CDH5: variants seen among roughly 807,000 people sequenced by gnomAD.
The protein encoded by CDH5 is cadherin 5, also known as cadherin-5.
Under a neutral mutation model 62.0 loss-of-function variants are expected in CDH5, and 28 were observed. The ratio of observed to expected loss-of-function variants is 0.45; its 90% CI spans 0.33 to 0.62. The LOEUF is 0.62. Ranked by LOEUF, CDH5 falls within the 20% of genes least tolerant of loss-of-function variation. CDH5 has a pLI of 0.02. For synonymous variants in CDH5, 464 were observed against 445.8 expected (o/e 1.04, Z -0.52); for missense variants, 940 against 1,065.1 (o/e 0.88, Z 1.63).
At chr16:66,391,962 C>CTAA (rs1189030495) in intron 6 of CDH5, among the ~76,000 whole-genome samples, 174 bp from the exon 7 acceptor site, 1 of 152,188 alleles carries the variant, frequency 6.6e-6, no homozygotes, top group Non-Finnish European at 1.5e-5. Flanking sequence ...AGACAGACAC[C>CTAA]AGGCCCAGCC....
chr16:66,389,261 A>AG, intron 4 of CDH5, 97 bp from the exon 5 acceptor site: 1 of 1,195,024 alleles, frequency 8.4e-7, no homozygotes, highest in South Asian at 1.5e-5. Context: ...TGGAATCACC[A>AG]GGGAAGCTCT....
chr16:66,403,535 T>G lies in CDH5; in HGVS notation c.*366T>G. On this transcript the variant is annotated 3_prime_UTR_variant, in exon 12 of 12. Coordinates refer to ENST00000341529, the MANE Select transcript of CDH5 (RefSeq NM_001795.5). This position sits in a 1 kb window ranked among gnomAD's most constrained non-coding sequence, Gnocchi z 4.3. ...ACTGCTGCAGGGTCTTTTTCTAGGG[T>G]CCCTGAACGCCCTGGTAAGGCTGGT... 3.7e-6 allele frequency: 1 copy of G among 269,178 alleles called. No homozygotes were observed. The allele number at this position is 269,178 out of a possible 1,614,324, so 16.7% of individuals were successfully genotyped here.
chr16:66,382,310 A>C (rs1190523298), intron 2 of CDH5, among the ~76,000 whole-genome samples: 1 of 152,214 alleles, frequency 6.6e-6, no homozygotes, highest in Non-Finnish European at 1.5e-5. Context: ...CATGGCTCCC[A>C]ACAATAACTG....
chr16:66,403,204 C>T lies in CDH5; in HGVS notation c.*35C>T, dbSNP rs755761449. On this transcript the variant is annotated 3_prime_UTR_variant, in exon 12 of 12. Transcript: ENST00000341529. This position sits in a 1 kb window ranked among gnomAD's most constrained non-coding sequence, Gnocchi z 4.3. ...GTCACTCTGGGCCTGGGGACCCAAA[C>T]CCCCTGCAGCCCAGGCCAGTCAGAC... is the stretch of plus-strand genomic sequence containing the variant. 1.7e-5 allele frequency: 26 copies of T among 1,567,468 alleles called. No homozygotes were observed. The highest frequency in any genetic ancestry group is 2.1e-5 in the Non-Finnish European group (24 of 1,158,220).
intron 10 of CDH5, among the ~76,000 whole-genome samples, chr16:66,400,382 C>T (rs1021134996): frequency 3.9e-5 from 6 of 152,188 alleles, no homozygotes; most frequent in Non-Finnish European, 7.4e-5. Context: ...CTTTTTAAAA[C>T]TTTATTTTTC....
intron 4 of CDH5, among the ~76,000 whole-genome samples, chr16:66,388,727 T>G (rs1961029599): frequency 6.6e-6 from 1 of 152,238 alleles, no homozygotes; most frequent in Admixed American, 6.5e-5. Context: ...GGCTAGCCGC[T>G]CTGGGTGCAG....
At chr16:66,378,815 G>T (rs1161561127) in intron 1 of CDH5, among the ~76,000 whole-genome samples, 1 of 152,220 alleles carries the variant, frequency 6.6e-6, no homozygotes. Context: ...ATCAAGGCAT[G>T]AAGGGGGTCT....
chr16:66,402,878 G>T lies in CDH5; in HGVS notation c.2064G>T (p.Val688=). 3 of 1,609,142 alleles carry T rather than the reference G, an allele frequency of 1.9e-6. No homozygotes were observed. Among genetic ancestry groups the T allele is most frequent in the Non-Finnish European group, 2.5e-6 (3 of 1,178,688 alleles). The change falls in exon 12 of 12, where the codon GTG becomes GTT. Residue 688 remains valine (V), a synonymous_variant. Transcript: ENST00000341529. ...LDARPSLYAQ[V]QKPPRHAPGA... ...CCCGGCCTTCCCTCTATGCGCAGGT[G>T]CAGAAGCCACCGAGGCACGCGCCTG... is the stretch of plus-strand genomic sequence containing the variant.
chr16:66,391,839 C>T (rs1372861728), intron 6 of CDH5, among the ~76,000 whole-genome samples: 1 of 152,196 alleles, frequency 6.6e-6, no homozygotes, highest in African/African-American at 2.4e-5. Flanking sequence ...CTCTTAAGAG[C>T]AGGACCATAG....
At chr16:66,392,082 C>A (rs757774770) in intron 6 of CDH5, 54 bp from the exon 7 acceptor site, 91 of 1,605,254 alleles carry the variant, frequency 5.7e-5, no homozygotes, top group Non-Finnish European at 7.1e-5. Context: ...AGATCATGTG[C>A]CACACACATG....
chr16:66,391,807 G>A (rs1961089457), intron 6 of CDH5, among the ~76,000 whole-genome samples: 1 of 152,228 alleles, frequency 6.6e-6, no homozygotes, highest in South Asian at 2.1e-4. Flanking sequence ...TTAAGGACCT[G>A]TGGGTAGAAC....
At position 66,392,168 on chromosome 16, in the gene CDH5, C is replaced by T. The variant is rs373322055; in HGVS notation, c.1002C>T (p.Ser334=). The change falls in exon 7 of 12, where the codon AGC becomes AGT. Residue 334 remains serine (S), a synonymous_variant. Coordinates refer to ENST00000341529, the MANE Select transcript of CDH5 (RefSeq NM_001795.5). The part of the protein sequence containing the change: ...PLDYEYIQQY[S]FIVEATDPTI... ...ATTATGAATACATCCAGCAATACAG[C>T]TTCATCGTCGAGGCCACAGACCCCA... The T allele has an allele frequency of 1.2e-4, 193 of 1,614,158 alleles. 3 individuals are homozygous for T. In the South Asian group the frequency reaches 1.7e-3, roughly 14 times the overall value.
rs1278812007 is a variant in CDH5, at chr16:66,388,259, T to C, written c.500-65T>C. The C allele has an allele frequency of 8.0e-6, 8 of 1,001,220 alleles. No individual in the cohort carries two copies. The East Asian group carries it at 1.4e-4, about 18-fold the overall frequency. The allele number at this position is 1,001,220 out of a possible 1,614,324, so 62.0% of individuals were successfully genotyped here. The stretch of plus-strand genomic sequence containing the variant: ...CACAGCCTGAGCCCCATCTGCTCTG[T>C]TCCAGGAATGGGGTAAGGGGCCTAG... On this transcript the variant is annotated intron_variant, in intron 3 of 11. Coordinates refer to ENST00000341529, the MANE Select transcript of CDH5 (RefSeq NM_001795.5).
In CDH5 at chr16:66,392,261, T is replaced by C. The variant is rs1193584745; in HGVS notation, c.1095T>C (p.Asp365=). Residue 365 remains aspartate (D), a synonymous_variant, in exon 7 of 12, where the codon GAT becomes GAC. Coordinates refer to ENST00000341529, the MANE Select transcript of CDH5 (RefSeq NM_001795.5). ...NRAQVIINIT[D]VDEPPIFQQP... is the part of the protein sequence containing the mutation. ...CCCAGGTCATTATCAACATCACAGA[T>C]GTGGACGAGCCCCCCATTTTCCAGC... The C allele has an allele frequency of 1.2e-6, 2 of 1,613,920 alleles. No homozygotes were observed. Among genetic ancestry groups the C allele is most frequent in the Non-Finnish European group, 8.5e-7 (1 of 1,180,010 alleles).
At chr16:66,367,369 C>T (rs2142297785) in intron 1 of CDH5, among the ~76,000 whole-genome samples, 1 of 152,338 alleles carries the variant, frequency 6.6e-6, no homozygotes, top group East Asian at 1.9e-4. Flanking sequence ...CCTTTCCCTG[C>T]CCAAACACCA....
At chr16:66,368,569 G>A (rs1353387262) in intron 1 of CDH5, among the ~76,000 whole-genome samples, 1 of 152,228 alleles carries the variant, frequency 6.6e-6, no homozygotes, top group Non-Finnish European at 1.5e-5. Flanking sequence ...CACCATCCCA[G>A]GAAGAATCTT....
chr16:66,402,608 C>A (rs1961305512), intron 11 of CDH5, 44 bp from the exon 12 acceptor site: 1 of 1,495,462 alleles, frequency 6.7e-7, no homozygotes, highest in Non-Finnish European at 8.9e-7. Flanking sequence ...GCCGCCCAGG[C>A]CCCCAGCCTT....
intron 9 of CDH5, 35 bp from the exon 10 acceptor site, chr16:66,398,421 C>T: frequency 7.9e-7 from 1 of 1,263,736 alleles, no homozygotes; most frequent in East Asian, 2.3e-5. Flanking sequence ...CACCCCACCA[C>T]CATCACTGAC....
In CDH5 at chr16:66,389,417, G is replaced by A. The variant is rs140053187; in HGVS notation, c.676G>A (p.Val226Met). ...DREKQARYEI[V>M]VEARDAQGLR... Reference sequence around the variant, plus strand: ...AGAGAAGCAGGCCAGGTATGAGATCGTGGTGGAAGCGCGAGATGCCCAGGG... The same window carrying A: ...AGAGAAGCAGGCCAGGTATGAGATCATGGTGGAAGCGCGAGATGCCCAGGG... The change falls in exon 5 of 12, where the codon GTG (valine) becomes ATG (methionine). Residue 226 changes from valine to methionine, a missense_variant. By Grantham distance (21) the Val-to-Met change is conservative. Coordinates refer to ENST00000341529, the MANE Select transcript of CDH5 (RefSeq NM_001795.5). 15 of 1,613,444 alleles carry A rather than the reference G, an allele frequency of 9.3e-6. No individual in the cohort carries two copies. Among genetic ancestry groups the A allele is most frequent in the African/African-American group, 4.0e-5 (3 of 74,908 alleles).
Sources: allele counts gnomAD v4.1 joint callset (sites outside exome capture counted in the v4.1 genomes callset), GRCh38; gene constraint gnomAD v4.1.1; non-coding constraint Gnocchi (gnomAD v3.1); transcripts MANE v1.5; gene names NCBI Gene and HGNC (gene_info 2026-07-23, HGNC 2026-07-21).